CYP2C19: variants seen among roughly 807,000 people sequenced by gnomAD.
CYP2C19 encodes cytochrome P450 family 2 subfamily C member 19.
Under a neutral mutation model 40.9 loss-of-function variants are expected in CYP2C19, and 59 were observed. That is an observed-to-expected ratio of 1.44 (90% CI 1.17 to 1.79). The LOEUF is 1.79. Ranked by LOEUF, CYP2C19 falls within the 40% of genes most tolerant of loss-of-function variation. The probability of loss-of-function intolerance (pLI) is 0.00; values close to 1 mark genes in which losing one functional copy is unlikely to be tolerated. For missense variants in CYP2C19, 754 were observed against 596.9 expected (o/e 1.26, Z -2.74); for synonymous variants, 253 against 208.7 (o/e 1.21, Z -1.83).
At chr10:94,768,839 G>C (rs986747104) in intron 1 of CYP2C19, among the ~76,000 whole-genome samples, 1 of 152,130 alleles carries the variant, frequency 6.6e-6, no homozygotes, top group Non-Finnish European at 1.5e-5. Flanking sequence ...CTGTGGGAAG[G>C]CTTAAAGCTG....
chr10:94,797,829 T>C (rs1275349199), intron 5 of CYP2C19, among the ~76,000 whole-genome samples: 12 of 152,134 alleles, frequency 7.9e-5, no homozygotes, highest in Admixed American at 7.9e-4. Context: ...CTGTGATTGG[T>C]GGTGATATCC....
chr10:94,831,527 C>G (rs4917612), intron 6 of CYP2C19, among the ~76,000 whole-genome samples: 14,867 of 152,202 alleles, frequency 0.098, 1,065 homozygotes, highest in East Asian at 0.37. Context: ...CAACGTTGTA[C>G]AAGGGTCCAC....
At chr10:94,848,169 T>C (rs1017431879) in intron 7 of CYP2C19, among the ~76,000 whole-genome samples, 8 of 152,180 alleles carry the variant, frequency 5.3e-5, no homozygotes. Flanking sequence ...ATGTCCTGAG[T>C]GGTATTGCCT....
chr10:94,845,856 A>C (rs1295986390), intron 7 of CYP2C19, among the ~76,000 whole-genome samples: 8 of 152,080 alleles, frequency 5.3e-5, no homozygotes, highest in Admixed American at 3.9e-4. Context: ...CCTTTGTATT[A>C]TAAAATTTTT....
Position 94,796,094 on chromosome 10 carries a change from A to G in CYP2C19, c.819+14097A>G, listed in dbSNP as rs190808970. ...TGCCCATGCCAATGTCCTGAATGGT[A>G]TTGCCTAGGTTTTCTTCTAGGGTTT... On this transcript the variant is annotated intron_variant, in intron 5 of 8. Transcript: ENST00000371321. Among the ~76,000 whole-genome samples, 17 of 152,202 alleles carry G rather than the reference A, an allele frequency of 1.1e-4. No homozygotes were observed. In the East Asian group the frequency reaches 3.1e-3, roughly 28 times the overall value.
chr10:94,826,864 A>C (rs1849233879), intron 6 of CYP2C19, among the ~76,000 whole-genome samples: 2 of 152,132 alleles, frequency 1.3e-5, no homozygotes, highest in African/African-American at 4.8e-5. Context: ...AGTTTTTAGC[A>C]TGAAGGGCTG....
At chr10:94,772,634 C>T (rs1432625832) in intron 1 of CYP2C19, among the ~76,000 whole-genome samples, 1 of 152,164 alleles carries the variant, frequency 6.6e-6, no homozygotes, top group African/African-American at 2.4e-5. Flanking sequence ...TCTCTGTCAA[C>T]CCTTGGCGCA....
intron 6 of CYP2C19, among the ~76,000 whole-genome samples, chr10:94,836,154 G>T (rs1262668494): frequency 6.6e-6 from 1 of 152,238 alleles, no homozygotes; most frequent in African/African-American, 2.4e-5. Flanking sequence ...GTAAGTGGTT[G>T]TCTGACAGCC....
Position 94,762,843 on chromosome 10 carries a change from T to C in CYP2C19, c.138T>C (p.Asp46=), listed in dbSNP as rs1482062620. The change falls in exon 1 of 9, where the codon GAT becomes GAC. Residue 46 remains aspartate, a synonymous_variant. Transcript: ENST00000371321. ...LPVIGNILQI[D]IKDVSKSLTN... ...TGATTGGAAATATCCTACAGATAGATATTAAGGATGTCAGCAAATCCTTAA... is the reference window on the plus strand; with the variant it reads ...TGATTGGAAATATCCTACAGATAGACATTAAGGATGTCAGCAAATCCTTAA... 6.2e-7 allele frequency: 1 copy of C among 1,613,936 alleles called. No homozygotes were observed. Among genetic ancestry groups the C allele is most frequent in the South Asian group, 1.1e-5 (1 of 91,082 alleles).
intron 6 of CYP2C19, among the ~76,000 whole-genome samples, chr10:94,823,122 T>C (rs1849155452): frequency 6.6e-6 from 1 of 151,892 alleles, no homozygotes; most frequent in African/African-American, 2.4e-5. Flanking sequence ...AAGAGGAAAA[T>C]TTATCAAGGA....
At chr10:94,844,505 C>G (rs1185709939) in intron 7 of CYP2C19, among the ~76,000 whole-genome samples, 1 of 152,194 alleles carries the variant, frequency 6.6e-6, no homozygotes, top group Non-Finnish European at 1.5e-5. Context: ...TCCAGACACT[C>G]TAGTTGCCAT....
intron 6 of CYP2C19, among the ~76,000 whole-genome samples, chr10:94,840,581 G>A (rs1489567772): frequency 3.3e-5 from 5 of 152,176 alleles, no homozygotes; most frequent in Admixed American, 2.6e-4. Context: ...GAATTTTGGG[G>A]CTACACTTTA....
At chr10:94,828,356 G>A (rs1242174893) in intron 6 of CYP2C19, among the ~76,000 whole-genome samples, 3 of 151,640 alleles carry the variant, frequency 2.0e-5, no homozygotes, top group Non-Finnish European at 4.4e-5. Context: ...CCTGTATTGG[G>A]TGCATATATA....
In CYP2C19 at chr10:94,762,893, G is replaced by A. The variant is rs17881883; in HGVS notation, c.168+20G>A. On this transcript the variant is annotated intron_variant, in intron 1 of 8. Transcript: ENST00000371321. ...ACCAATGTAAGTATGCTCCTTCAGTGGCTTGCAAAAGGTAAGTAAATTCAC... is the reference window on the plus strand; with the variant it reads ...ACCAATGTAAGTATGCTCCTTCAGTAGCTTGCAAAAGGTAAGTAAATTCAC... The A allele has an allele frequency of 5.1e-4, 825 of 1,609,558 alleles. 6 individuals carry two copies. In the African/African-American group the frequency reaches 9.6e-3, roughly 19 times the overall value.
intron 8 of CYP2C19, among the ~76,000 whole-genome samples, chr10:94,850,869 C>T (rs578091297): frequency 2.6e-5 from 4 of 152,156 alleles, no homozygotes; most frequent in African/African-American, 4.8e-5. Flanking sequence ...GAGCACCATG[C>T]TCTTTCCCTA....
In CYP2C19 at chr10:94,837,376, G is replaced by A. The variant is rs186774041; in HGVS notation, c.962-5461G>A. Among the ~76,000 whole-genome samples the A allele has an allele frequency of 4.6e-5, 7 of 152,204 alleles. No homozygotes were observed. In the East Asian group the frequency reaches 5.8e-4, roughly 13 times the overall value. On this transcript the variant is annotated intron_variant, in intron 6 of 8. Transcript: ENST00000371321. Reference sequence around the variant, plus strand: ...CTTTAGTTTAACTTGAACAGGACAGGCATTCTTTGCTCATCCATATTGTCC... The same window carrying A: ...CTTTAGTTTAACTTGAACAGGACAGACATTCTTTGCTCATCCATATTGTCC...
rs536507636 is a variant in CYP2C19, at chr10:94,791,366, C to T, written c.819+9369C>T. ...GAAGGGTTTTCTGTGTCTATCTCCT[C>T]CAGTTCTGCTCTGATCTTAGTTATT... On this transcript the variant is annotated intron_variant, in intron 5 of 8. Coordinates refer to ENST00000371321, the MANE Select transcript of CYP2C19 (RefSeq NM_000769.4). Among the ~76,000 whole-genome samples, 475 of 152,086 alleles carry T rather than the reference C, an allele frequency of 3.1e-3. 3 individuals are homozygous for T. Among genetic ancestry groups the T allele is most frequent in the African/African-American group, 0.011 (450 of 41,522 alleles).
chr10:94,773,475 T>A (rs992815213), intron 1 of CYP2C19, among the ~76,000 whole-genome samples: 3 of 152,158 alleles, frequency 2.0e-5, no homozygotes, highest in African/African-American at 4.8e-5. Flanking sequence ...GAGTTGTTCA[T>A]TCCTCCTGGT....
intron 5 of CYP2C19, among the ~76,000 whole-genome samples, chr10:94,791,481 C>T (rs1414131539): frequency 6.6e-6 from 1 of 152,044 alleles, no homozygotes; most frequent in Non-Finnish European, 1.5e-5. Context: ...TAGACCTTTC[C>T]TGCTTTCTCC....
Sources: gnomAD v4.1 joint callset for allele counts (sites outside exome capture counted in the v4.1 genomes callset) on GRCh38, gnomAD v4.1.1 for gene constraint, MANE v1.5 for transcripts, NCBI Gene and HGNC (gene_info 2026-07-23, HGNC 2026-07-21) for gene names.